The following AMPH variants were observed in gnomAD, a reference collection of about 807,000 sequenced individuals.
AMPH encodes amphiphysin, also known as amphiphysin (Stiff-Mann syndrome with breast cancer 128kD autoantigen).
In AMPH, 49 loss-of-function variants were observed where a neutral mutation model predicts 99.1. The observed-to-expected ratio is 0.49, with a 90% CI of 0.39 to 0.63. AMPH has a LOEUF of 0.63. Among genes scored for constraint, AMPH ranks in the 20% least tolerant of loss-of-function variants. The probability of loss-of-function intolerance (pLI) is 0.00; values close to 1 mark genes in which losing one functional copy is unlikely to be tolerated. For missense variants in AMPH, 759 were observed against 863.4 expected (o/e 0.88, Z 1.52); for synonymous variants, 314 against 317.3 (o/e 0.99, Z 0.11).
chr7:38,564,789 T>C (rs1334320610), intron 1 of AMPH, among the ~76,000 whole-genome samples: 1 of 152,108 alleles, frequency 6.6e-6, no homozygotes, highest in East Asian at 1.9e-4. Flanking sequence ...AAAAACCTTA[T>C]CAAGGTGAAC....
intron 8 of AMPH, 69 bp downstream of exon 8, chr7:38,466,099 CCATTT>C: frequency 1.7e-6 from 2 of 1,171,420 alleles, no homozygotes; most frequent in Admixed American, 2.0e-5. Flanking sequence ...TAATTCTATC[CCATTT>C]CATTTGCTTC....
chr7:38,571,143 ATATT>A lies in AMPH; in HGVS notation c.70-36136_70-36133del, dbSNP rs1373978795. ...TATATATGAATATATATATTTTTAT[ATATT>A]TATGAATATATATATTTTTATATAT... On this transcript the variant is annotated intron_variant, in intron 1 of 20. Transcript: ENST00000356264. Among the ~76,000 whole-genome samples the A allele has an allele frequency of 7.9e-5, 5 of 63,538 alleles. 1 individual carries two copies. Among genetic ancestry groups the A allele is most frequent in the Admixed American group, 2.8e-4 (1 of 3,526 alleles). The allele number at this position is 63,538 out of a possible 152,430, so 41.7% of individuals were successfully genotyped here.
chr7:38,494,507 T>A lies in AMPH; in HGVS notation c.226A>T (p.Lys76Ter). The change falls in exon 4 of 21, where the codon AAG (lysine) becomes TAG (stop). Residue 76 changes from lysine (K) to a stop codon, truncating the protein, a stop_gained. Coordinates refer to ENST00000356264, the MANE Select transcript of AMPH (RefSeq NM_001635.4). LOFTEE classifies it high-confidence loss of function. ...AIKGMQEASM[K>*]LTESLHEVYE... is the part of the protein sequence containing the mutation. ...ACTTCATGCAGCGACTCTGTGAGCT[T>A]CATGGAGGCCTCCTGCATGCCTAGT... The A allele has an allele frequency of 2.5e-6, 4 of 1,613,894 alleles. No homozygotes were observed. Among genetic ancestry groups the A allele is most frequent in the Non-Finnish European group, 3.4e-6 (4 of 1,179,838 alleles).
At chr7:38,492,661 T>G (rs892105207) in intron 4 of AMPH, among the ~76,000 whole-genome samples, 1 of 152,278 alleles carries the variant, frequency 6.6e-6, no homozygotes, top group Non-Finnish European at 1.5e-5. Flanking sequence ...AGTTTCTTCA[T>G]CATCACAAGA....
At chr7:38,436,201 A>C (rs1786255560) in intron 12 of AMPH, 71 bp downstream of exon 12, 1 of 1,096,514 alleles carries the variant, frequency 9.1e-7, no homozygotes, top group South Asian at 1.3e-5. Context: ...AGGTATAGGG[A>C]TCATTGGTTA....
intron 1 of AMPH, among the ~76,000 whole-genome samples, chr7:38,572,751 C>G (rs919216663): frequency 1.3e-5 from 2 of 152,172 alleles, no homozygotes; most frequent in African/African-American, 4.8e-5. Flanking sequence ...ACCCTCTGGT[C>G]TCCCAGCAGG....
intron 5 of AMPH, among the ~76,000 whole-genome samples, chr7:38,490,535 A>C (rs1270106592): frequency 6.6e-6 from 1 of 152,186 alleles, no homozygotes; most frequent in East Asian, 1.9e-4. Context: ...AAATGTATTT[A>C]AAATGCTTAT....
intron 2 of AMPH, among the ~76,000 whole-genome samples, chr7:38,528,981 C>T (rs1177283488): frequency 6.6e-6 from 1 of 152,004 alleles, no homozygotes. Flanking sequence ...ACCCTAAGTC[C>T]AGAGTTCTAA....
chr7:38,618,238 C>T (rs897603732), intron 1 of AMPH, among the ~76,000 whole-genome samples: 2 of 151,792 alleles, frequency 1.3e-5, no homozygotes, highest in Non-Finnish European at 2.9e-5. Flanking sequence ...ATAGGCCAGG[C>T]GCGGTGGCTC....
intron 11 of AMPH, among the ~76,000 whole-genome samples, chr7:38,458,120 T>C (rs1361289170): frequency 1.3e-5 from 2 of 152,280 alleles, no homozygotes; most frequent in South Asian, 2.1e-4. Flanking sequence ...CTAGGGACTA[T>C]GTTCACTATC....
intron 5 of AMPH, among the ~76,000 whole-genome samples, chr7:38,486,444 A>T (rs1450201827): frequency 6.6e-6 from 1 of 151,956 alleles, no homozygotes; most frequent in Non-Finnish European, 1.5e-5. Flanking sequence ...TAGGCAACCA[A>T]ATACCTCCCA....
At chr7:38,509,405 T>G (rs1410194088) in intron 2 of AMPH, among the ~76,000 whole-genome samples, 1 of 152,212 alleles carries the variant, frequency 6.6e-6, no homozygotes, top group African/African-American at 2.4e-5. Flanking sequence ...GATGATCACA[T>G]ACTTTCTAGC....
chr7:38,571,031 A>AATATATATATTC (rs1247118607), intron 1 of AMPH, among the ~76,000 whole-genome samples: 32 of 13,852 alleles, frequency 2.3e-3, no homozygotes, highest in Non-Finnish European at 3.8e-3. Context: ...TCATATATTG[A>AATATATATATTC]ATATATATAG....
intron 1 of AMPH, among the ~76,000 whole-genome samples, chr7:38,554,023 C>G (rs1422084145): frequency 6.6e-6 from 1 of 152,222 alleles, no homozygotes; most frequent in Non-Finnish European, 1.5e-5. Flanking sequence ...TAGTGACCCG[C>G]AGCCCCAGCT....
At chr7:38,455,708 T>C (rs1282413523) in intron 11 of AMPH, among the ~76,000 whole-genome samples, 1 of 152,158 alleles carries the variant, frequency 6.6e-6, no homozygotes, top group African/African-American at 2.4e-5. Flanking sequence ...AAGATTTACA[T>C]GGGTAGCTGC....
intron 15 of AMPH, among the ~76,000 whole-genome samples, chr7:38,423,740 C>T (rs1785679325): frequency 6.6e-6 from 1 of 152,072 alleles, no homozygotes; most frequent in Non-Finnish European, 1.5e-5. Flanking sequence ...AAATTAGAAG[C>T]ATAAAGAGCC....
intron 7 of AMPH, among the ~76,000 whole-genome samples, chr7:38,466,869 A>G (rs1330830486): frequency 6.6e-6 from 1 of 152,216 alleles, no homozygotes; most frequent in Non-Finnish European, 1.5e-5. Context: ...CTGCCCCTTC[A>G]TAATAGCAAT....
intron 9 of AMPH, among the ~76,000 whole-genome samples, chr7:38,464,411 T>C (rs1212857324): frequency 6.6e-6 from 1 of 152,200 alleles, no homozygotes; most frequent in Non-Finnish European, 1.5e-5. Context: ...AAAGAGAAGA[T>C]ATACTACTGC....
intron 1 of AMPH, among the ~76,000 whole-genome samples, chr7:38,559,592 A>C (rs997084984): frequency 1.3e-5 from 2 of 152,164 alleles, no homozygotes; most frequent in Admixed American, 1.3e-4. Flanking sequence ...TCACAACTTC[A>C]CTTACTGAAT....
Sources: allele counts gnomAD v4.1 joint callset (sites outside exome capture counted in the v4.1 genomes callset), GRCh38; gene constraint gnomAD v4.1.1; transcripts MANE v1.5; gene names NCBI Gene and HGNC (gene_info 2026-07-23, HGNC 2026-07-21).